ANKRD55: variants seen among roughly 807,000 people sequenced by gnomAD.
ANKRD55 encodes ankyrin repeat domain 55.
ANKRD55 carries 41 observed loss-of-function variants against 60.6 expected under a neutral mutation model. The ratio of observed to expected loss-of-function variants is 0.68; its 90% CI spans 0.53 to 0.88. The LOEUF (loss-of-function observed/expected upper bound fraction) is 0.88, where lower values mean the gene tolerates loss of function less well. ANKRD55 is among the 40% of genes least tolerant of loss of function. ANKRD55 has a pLI of 0.00. For missense variants in ANKRD55, 732 were observed against 767.6 expected, an observed-to-expected ratio of 0.95 and a Z score of 0.55; for synonymous variants, 264 against 290.3, an observed-to-expected ratio of 0.91 and a Z score of 0.92.
intron 7 of ANKRD55, among the ~76,000 whole-genome samples, chr5:56,142,112 G>A (rs764642563): frequency 1.3e-5 from 2 of 152,116 alleles, no homozygotes; most frequent in Non-Finnish European, 2.9e-5. Flanking sequence ...GGCAGATCAC[G>A]AGGTCAGGAG....
chr5:56,191,148 C>A lies in ANKRD55; in HGVS notation c.59-7514G>T, dbSNP rs189169897. On this transcript the variant is annotated intron_variant, in intron 2 of 11. Coordinates refer to ENST00000341048, the MANE Select transcript of ANKRD55 (RefSeq NM_024669.3). ...AGTTTTGAAATCAGGAAGTGTGAAA[C>A]CTCCAACTGTTCTTTTTGAAGATTG... is the stretch of plus-strand genomic sequence containing the variant. Among the ~76,000 whole-genome samples the A allele has an allele frequency of 1.8e-3, 279 of 152,266 alleles. 3 individuals are homozygous for A. Among genetic ancestry groups the A allele is most frequent in the African/African-American group, 5.2e-3 (215 of 41,554 alleles).
chr5:56,167,651 A>G (rs1305384957), intron 5 of ANKRD55, among the ~76,000 whole-genome samples: 1 of 152,202 alleles, frequency 6.6e-6, no homozygotes, highest in Admixed American at 6.5e-5. Flanking sequence ...CTTTTTGGAC[A>G]ATATAACTAA....
chr5:56,175,307 G>C (rs1758714820), intron 4 of ANKRD55, among the ~76,000 whole-genome samples: 1 of 152,210 alleles, frequency 6.6e-6, no homozygotes, highest in Admixed American at 6.5e-5. Context: ...TCAGTGGGCA[G>C]CAATAGCAAA....
intron 2 of ANKRD55, among the ~76,000 whole-genome samples, chr5:56,210,443 T>A (rs901450074): frequency 6.7e-6 from 1 of 150,188 alleles, no homozygotes; most frequent in Non-Finnish European, 1.5e-5. Flanking sequence ...GCGCCTGTAG[T>A]CCCAGCTACT....
intron 9 of ANKRD55, among the ~76,000 whole-genome samples, chr5:56,113,400 C>T (rs1756794604): frequency 6.6e-6 from 1 of 152,104 alleles, no homozygotes; most frequent in African/African-American, 2.4e-5. Flanking sequence ...TTAGGGAGTA[C>T]AAGTTATTAA....
intron 2 of ANKRD55, among the ~76,000 whole-genome samples, chr5:56,197,544 T>C (rs1759253675): frequency 6.6e-6 from 1 of 152,222 alleles, no homozygotes; most frequent in African/African-American, 2.4e-5. Flanking sequence ...AAACCAGATT[T>C]CATGATGATG....
chr5:56,208,754 G>A (rs999281316), intron 2 of ANKRD55, among the ~76,000 whole-genome samples: 2 of 152,072 alleles, frequency 1.3e-5, no homozygotes, highest in Non-Finnish European at 2.9e-5. Context: ...AACTGGCAAT[G>A]CAGTAGATCT....
intron 3 of ANKRD55, among the ~76,000 whole-genome samples, chr5:56,183,161 CA>C (rs1297983461): frequency 2.0e-5 from 3 of 152,270 alleles, no homozygotes; most frequent in Admixed American, 2.0e-4. Flanking sequence ...TTGCATTTAG[CA>C]GAAATAATAC....
intron 7 of ANKRD55, chr5:56,127,418 T>G: frequency 1.0e-6 from 1 of 984,442 alleles, no homozygotes; most frequent in Non-Finnish European, 1.2e-6. Flanking sequence ...AGAGCTAGAG[T>G]GATCGGTGGG....
At chr5:56,107,340 G>A (rs1424698793) in intron 10 of ANKRD55, among the ~76,000 whole-genome samples, 2 of 152,148 alleles carry the variant, frequency 1.3e-5, no homozygotes, top group Admixed American at 1.3e-4. Context: ...GATTCCATTG[G>A]AGAAATTCAC....
At chr5:56,176,019 G>T in intron 4 of ANKRD55, 133 bp downstream of exon 4, 1 of 1,157,618 alleles carries the variant, frequency 8.6e-7, no homozygotes. Context: ...AAGATGATTG[G>T]AGTAAAGCTT....
rs111805848 is a variant in ANKRD55 at position 56,181,338 on chromosome 5, AGTTGTT to A, written c.181+2168_181+2173del. Among the ~76,000 whole-genome samples, 1,810 of 152,020 alleles carry A rather than the reference AGTTGTT, an allele frequency of 0.012. 104 individuals carry two copies. The East Asian group carries it at 0.2, about 17-fold the overall frequency. ...CCGTTAAGTAAAACCTTAGCTCTAG[AGTTGTT>A]GTTGTTGTTGTTGATACTCTTCCTT... On this transcript the variant is annotated intron_variant, in intron 3 of 11. Transcript: ENST00000341048.
chr5:56,122,927 G>A (rs1022110166), intron 8 of ANKRD55, among the ~76,000 whole-genome samples: 4 of 151,576 alleles, frequency 2.6e-5, no homozygotes, highest in Admixed American at 1.3e-4. Flanking sequence ...CACTATGTCC[G>A]GCTAATGTTT....
At chr5:56,110,769 A>C (rs147365666) in intron 10 of ANKRD55, among the ~76,000 whole-genome samples, 5 of 152,312 alleles carry the variant, frequency 3.3e-5, no homozygotes, top group African/African-American at 1.2e-4. Flanking sequence ...AAAAACAATC[A>C]CACAAACAAA....
At chr5:56,172,659 A>C (rs485881) in intron 4 of ANKRD55, among the ~76,000 whole-genome samples, 1 of 152,336 alleles carries the variant, frequency 6.6e-6, no homozygotes, top group South Asian at 2.1e-4. Flanking sequence ...ATTAAGAACC[A>C]ACAAATGAGT....
At chr5:56,135,679 T>C (rs1381805438) in intron 7 of ANKRD55, among the ~76,000 whole-genome samples, 1 of 152,006 alleles carries the variant, frequency 6.6e-6, no homozygotes, top group Non-Finnish European at 1.5e-5. Flanking sequence ...CCACCACCTC[T>C]TTTCAATATT....
intron 7 of ANKRD55, among the ~76,000 whole-genome samples, chr5:56,140,946 C>T (rs1757743920): frequency 6.6e-6 from 1 of 151,958 alleles, no homozygotes; most frequent in African/African-American, 2.4e-5. Flanking sequence ...GCCTGTAATT[C>T]CAGCTACTTA....
rs757831469 is a variant in ANKRD55 at position 56,102,510 on chromosome 5, G to A, written c.1707C>T (p.Pro569=). The A allele has an allele frequency of 6.2e-7, 1 of 1,612,642 alleles. No individual in the cohort carries two copies. Among genetic ancestry groups the A allele is most frequent in the Non-Finnish European group, 8.5e-7 (1 of 1,179,054 alleles). The change falls in exon 11 of 12, where the codon CCC becomes CCT. Residue 569 remains proline (P), a synonymous_variant. Transcript: ENST00000341048. ...DLPFTRNNLA[P]LPDQKFLSGE... is the part of the protein sequence containing the mutation. The stretch of plus-strand genomic sequence containing the variant: ...AATACTTACATTTTTGATCTGGTAG[G>A]GGAGCTAGGTTGTTCCGAGTGAAAG...
At chr5:56,199,890 CAAA>C (rs77128633) in intron 2 of ANKRD55, among the ~76,000 whole-genome samples, 3 of 77,358 alleles carry the variant, frequency 3.9e-5, no homozygotes, top group South Asian at 4.2e-4. Flanking sequence ...GACTCTGTCT[CAAA>C]AAAAAAAAAA....
Sources: allele counts gnomAD v4.1 joint callset (sites outside exome capture counted in the v4.1 genomes callset), GRCh38; gene constraint gnomAD v4.1.1; transcripts MANE v1.5; gene names NCBI Gene and HGNC (gene_info 2026-07-23, HGNC 2026-07-21).